Variants in AFDN observed in about 807,000 individuals in gnomAD.
AFDN encodes afadin.
A neutral mutation model predicts 216.6 loss-of-function variants in AFDN; 68 were observed. The observed-to-expected ratio is 0.31, with a 90% CI of 0.26 to 0.38. The LOEUF (loss-of-function observed/expected upper bound fraction) is 0.38. Among genes scored for constraint, AFDN ranks in the 10% least tolerant of loss-of-function variants. AFDN has a pLI of 1.00. For missense variants in AFDN, 2,136 were observed against 2,342.0 expected, an observed-to-expected ratio of 0.91 and a Z score of 1.82; for synonymous variants, 868 against 853.7, an observed-to-expected ratio of 1.02 and a Z score of -0.29.
chr6:167,856,563 C>G lies in AFDN; in HGVS notation c.106-7988C>G, dbSNP rs145633522. ...ATTTGGCTAGAAATTGGGTAATTCACTCTTTTATAGAAAGAACTATAGGTC... is the reference window on the plus strand; with the variant it reads ...ATTTGGCTAGAAATTGGGTAATTCAGTCTTTTATAGAAAGAACTATAGGTC... On this transcript the variant is annotated intron_variant, in intron 1 of 33. Transcript: ENST00000683244. Among the ~76,000 whole-genome samples the G allele has an allele frequency of 8.8e-3, 1,336 of 152,208 alleles. 23 individuals carry two copies. The highest frequency in any genetic ancestry group is 0.031 in the African/African-American group (1,271 of 41,532).
chr6:167,961,951 C>T (rs1254102997), intron 30 of AFDN, among the ~76,000 whole-genome samples: 3 of 152,182 alleles, frequency 2.0e-5, no homozygotes, highest in Non-Finnish European at 4.4e-5. Flanking sequence ...GTCACATATG[C>T]TGCTTCTGTC....
chr6:167,965,831 G>A lies in AFDN; in HGVS notation c.5043G>A (p.Arg1681=), dbSNP rs1399477462. Residue 1681 remains arginine, a synonymous_variant, in exon 32 of 34, where the codon AGG becomes AGA. Transcript: ENST00000683244. The part of the protein sequence containing the change: ...RRRQHDEAAR[R]LLEPEAPGLC... ...GACAGCACGACGAGGCGGCGCGCAG[G>A]TTGCTGGAGCCCGAGGCGCCCGGTC... The A allele has an allele frequency of 6.4e-7, 1 of 1,556,176 alleles. No individual in the cohort carries two copies.
chr6:167,911,031 T>G, intron 13 of AFDN, 70 bp from the exon 14 acceptor site: 2 of 1,301,122 alleles, frequency 1.5e-6, no homozygotes, highest in Non-Finnish European at 2.2e-6. Flanking sequence ...TGCAGAAATC[T>G]ACACAGGTTG....
intron 23 of AFDN, among the ~76,000 whole-genome samples, chr6:167,937,662 T>C (rs573917930): frequency 1.3e-5 from 2 of 152,378 alleles, no homozygotes; most frequent in South Asian, 4.1e-4. Context: ...AAATTCTGAA[T>C]ATATAAGAAA....
At chr6:167,888,874 T>C (rs912785461) in intron 6 of AFDN, among the ~76,000 whole-genome samples, 14 of 152,178 alleles carry the variant, frequency 9.2e-5, no homozygotes, top group African/African-American at 2.7e-4. Context: ...ACTAGAGAGA[T>C]TGAAATTTGC....
intron 23 of AFDN, among the ~76,000 whole-genome samples, chr6:167,938,652 G>A (rs751934137): frequency 1.2e-4 from 19 of 152,080 alleles, no homozygotes; most frequent in Non-Finnish European, 1.8e-4. Flanking sequence ...AGAGGATTTC[G>A]GGTTCTTTAA....
intron 11 of AFDN, among the ~76,000 whole-genome samples, chr6:167,899,168 T>G (rs1788641068): frequency 6.6e-6 from 1 of 152,076 alleles, no homozygotes. Context: ...ATGCCTTTGA[T>G]TAGCCACCCA....
rs1000658393 is a variant in AFDN at position 167,877,853 on chromosome 6, A to G, written c.739+2358A>G. Reference sequence around the variant, plus strand: ...GATTAGTTTCTCAAGTTCTGATGACAGAACCTGCATGTCCTCCTTAATTTG... The same window carrying G: ...GATTAGTTTCTCAAGTTCTGATGACGGAACCTGCATGTCCTCCTTAATTTG... On this transcript the variant is annotated intron_variant, in intron 5 of 33. Coordinates refer to ENST00000683244, the MANE Select transcript of AFDN (RefSeq NM_001386888.1). Among the ~76,000 whole-genome samples the G allele has an allele frequency of 1.1e-4, 17 of 152,272 alleles. 1 individual carries two copies. Among genetic ancestry groups the G allele is most frequent in the Middle Eastern group, 6.8e-3 (2 of 294 alleles).
At chr6:167,914,527 ATT>A (rs3832452) in intron 17 of AFDN, 115 bp from the exon 18 acceptor site, 189 of 791,396 alleles carry the variant, frequency 2.4e-4, no homozygotes, top group East Asian at 4.7e-4. Flanking sequence ...AAGATTCCAC[ATT>A]TTTTTTTTAA....
chr6:167,829,256 G>A (rs1400512814), intron 1 of AFDN, among the ~76,000 whole-genome samples: 2 of 151,938 alleles, frequency 1.3e-5, no homozygotes, highest in Non-Finnish European at 2.9e-5. Flanking sequence ...ATAGTGGCTG[G>A]CTCACATTTC....
At position 167,870,511 on chromosome 6, in the gene AFDN, A is replaced by G. The variant is rs1784674387; in HGVS notation, c.414+13A>G. On this transcript the variant is annotated intron_variant, in intron 3 of 33. Coordinates refer to ENST00000683244, the MANE Select transcript of AFDN (RefSeq NM_001386888.1). ...CATTCCTCCTAAGGTAGGAACCCTC[A>G]GTATTTTATGACGGTCTTGGTCCAG... The G allele has an allele frequency of 4.5e-6, 7 of 1,546,300 alleles. No individual in the cohort carries two copies. Among genetic ancestry groups the G allele is most frequent in the Non-Finnish European group, 6.2e-6 (7 of 1,125,186 alleles).
intron 26 of AFDN, among the ~76,000 whole-genome samples, chr6:167,945,661 G>C (rs73034990): frequency 0.02 from 2,986 of 152,166 alleles, 54 homozygotes; most frequent in Non-Finnish European, 0.033. Flanking sequence ...TTTAATCTTA[G>C]GAGACCACTG....
intron 27 of AFDN, 72 bp downstream of exon 27, chr6:167,946,973 G>A: frequency 7.4e-7 from 1 of 1,342,392 alleles, no homozygotes; most frequent in East Asian, 2.5e-5. Flanking sequence ...GGCACTTTGT[G>A]GTTTGTTAAT....
chr6:167,833,464 T>A (rs1439954201), intron 1 of AFDN, among the ~76,000 whole-genome samples: 1 of 152,214 alleles, frequency 6.6e-6, no homozygotes, highest in African/African-American at 2.4e-5. Context: ...GCAAGTTCTC[T>A]TGCTTGAGTT....
At chr6:167,842,942 CA>C (rs914583960) in intron 1 of AFDN, among the ~76,000 whole-genome samples, 11 of 149,726 alleles carry the variant, frequency 7.3e-5, no homozygotes, top group Non-Finnish European at 1.2e-4. Context: ...TAAAGGTCTA[CA>C]AAAAAAAACT....
At chr6:167,918,660 C>A in intron 20 of AFDN, 75 bp from the exon 21 acceptor site, 1 of 1,337,370 alleles carries the variant, frequency 7.5e-7, no homozygotes, top group Non-Finnish European at 1.1e-6. Flanking sequence ...GAGCAGACAG[C>A]CTTTGAATAG....
chr6:167,911,933 G>T, intron 15 of AFDN: 1 of 177,760 alleles, frequency 5.6e-6, no homozygotes, highest in African/African-American at 2.4e-5. Context: ...AGTAGTTCCT[G>T]GGGTTTTTCT....
rs151265223 is a variant in AFDN, at chr6:167,951,187, G to A, written c.3833G>A (p.Arg1278His). 8.2e-5 allele frequency: 126 copies of A among 1,545,334 alleles called. No individual in the cohort carries two copies. The highest frequency in any genetic ancestry group is 3.2e-4 in the Admixed American group (15 of 47,400). ...TAATAATTCTTTTTCTTTTTGCAGC[G>A]TGTTACACGTTCCCAAGAAGAACTT... ...DSNHSSIAIQ[R>H]VTRSQEELRE... Residue 1278 changes from arginine to histidine, a missense_variant and splice_region_variant, in exon 30 of 34, where the codon CGT (arginine) becomes CAT (histidine). Around this residue, in one of 8 missense-constraint regions of AFDN, gnomAD observed 981 missense variants for 966.0 expected, o/e 1.02. Transcript: ENST00000683244. This position sits in a 1 kb window ranked among gnomAD's most constrained non-coding sequence, Gnocchi z 7.1.
At chr6:167,945,681 T>G (rs903000158) in intron 26 of AFDN, among the ~76,000 whole-genome samples, 25 of 152,208 alleles carry the variant, frequency 1.6e-4, no homozygotes, top group African/African-American at 6.0e-4. Context: ...GTCACGGATG[T>G]GGTTCATCAT....
Sources: gnomAD v4.1 joint callset for allele counts (sites outside exome capture counted in the v4.1 genomes callset) on GRCh38, gnomAD v4.1.1 for gene constraint, gnomAD v4.1.1 regional missense constraint, Gnocchi (gnomAD v3.1) non-coding constraint, MANE v1.5 for transcripts, NCBI Gene and HGNC (gene_info 2026-07-23, HGNC 2026-07-21) for gene names.